GALNT17: variants seen among roughly 807,000 people sequenced by gnomAD.
The protein encoded by GALNT17 is polypeptide N-acetylgalactosaminyltransferase 17, also known as UDP-GalNAc:polypeptide N-acetylgalactosaminyltransferase-like 3.
In GALNT17, 29 loss-of-function variants were observed where a neutral mutation model predicts 63.7. The ratio of observed to expected loss-of-function variants is 0.46; its 90% CI spans 0.34 to 0.62. The LOEUF (loss-of-function observed/expected upper bound fraction) is 0.62, where lower values mean the gene tolerates loss of function less well. Ranked by LOEUF, GALNT17 falls within the 20% of genes least tolerant of loss-of-function variation. GALNT17 has a pLI of 0.01. For synonymous variants in GALNT17, 305 were observed against 318.3 expected (o/e 0.96, Z 0.45); for missense variants, 603 against 799.6 (o/e 0.75, Z 2.97).
chr7:71,288,305 C>A, intron 1 of GALNT17, among the ~76,000 whole-genome samples: 1 of 151,384 alleles, frequency 6.6e-6, no homozygotes, highest in South Asian at 2.1e-4. Context: ...AGGTCTTCAT[C>A]CTCATCGTAT....
At chr7:71,168,605 C>T (rs776655566) in intron 1 of GALNT17, among the ~76,000 whole-genome samples, 1 of 151,560 alleles carries the variant, frequency 6.6e-6, no homozygotes, top group Non-Finnish European at 1.5e-5. Flanking sequence ...TTAAGGTGTA[C>T]CGTAACATGA....
intron 3 of GALNT17, among the ~76,000 whole-genome samples, chr7:71,396,565 T>G (rs1416447013): frequency 6.6e-6 from 1 of 152,160 alleles, no homozygotes; most frequent in Non-Finnish European, 1.5e-5. Context: ...ACCTCTCACC[T>G]TGTTCTTTTT....
chr7:71,170,601 G>T (rs1283106295), intron 1 of GALNT17, among the ~76,000 whole-genome samples: 3 of 152,100 alleles, frequency 2.0e-5, no homozygotes, highest in Admixed American at 6.6e-5. Flanking sequence ...CTCCCAAAGT[G>T]CTGGGATTAC....
At chr7:71,577,327 A>G (rs1008148250) in intron 6 of GALNT17, among the ~76,000 whole-genome samples, 1 of 152,204 alleles carries the variant, frequency 6.6e-6, no homozygotes, top group Non-Finnish European at 1.5e-5. Context: ...CACAACACCC[A>G]TGTGAGAAAC....
chr7:71,224,275 C>A (rs965649410), intron 1 of GALNT17, among the ~76,000 whole-genome samples: 1 of 152,120 alleles, frequency 6.6e-6, no homozygotes, highest in South Asian at 2.1e-4. Flanking sequence ...AAACCTCTGA[C>A]CTCAAGGGAT....
intron 5 of GALNT17, among the ~76,000 whole-genome samples, chr7:71,425,263 G>T (rs112727489): frequency 6.6e-6 from 1 of 151,350 alleles, no homozygotes; most frequent in African/African-American, 2.4e-5. Flanking sequence ...TAGCTCTGTC[G>T]CCCAGGCTGA....
At chr7:71,566,873 G>A (rs888774100) in intron 5 of GALNT17, among the ~76,000 whole-genome samples, 1 of 152,112 alleles carries the variant, frequency 6.6e-6, no homozygotes, top group Non-Finnish European at 1.5e-5. Flanking sequence ...GGATTCCTGG[G>A]TGGCCAGTCA....
intron 1 of GALNT17, among the ~76,000 whole-genome samples, chr7:71,329,452 C>CAGT (rs1563007044): frequency 1.3e-5 from 2 of 152,152 alleles, no homozygotes; most frequent in Admixed American, 1.3e-4. Context: ...CGCAGCTTTA[C>CAGT]AGTGGAGCGT....
intron 2 of GALNT17, among the ~76,000 whole-genome samples, chr7:71,337,665 T>C (rs7776752): frequency 0.65 from 99,023 of 151,680 alleles, 32,699 homozygotes; most frequent in African/African-American, 0.76. Context: ...GTCAGGAGTT[T>C]GAGACCAGCC....
chr7:71,223,295 A>G (rs1366909541), intron 1 of GALNT17, among the ~76,000 whole-genome samples: 1 of 152,148 alleles, frequency 6.6e-6, no homozygotes, highest in Non-Finnish European at 1.5e-5. Context: ...CACATTTATT[A>G]ATTGAAATTC....
At chr7:71,509,209 A>G (rs1445221058) in intron 5 of GALNT17, among the ~76,000 whole-genome samples, 1 of 152,228 alleles carries the variant, frequency 6.6e-6, no homozygotes, top group Non-Finnish European at 1.5e-5. Context: ...TTTATTATAA[A>G]ATAGTCTGTG....
At chr7:71,223,330 C>T (rs1197576107) in intron 1 of GALNT17, among the ~76,000 whole-genome samples, 4 of 152,174 alleles carry the variant, frequency 2.6e-5, no homozygotes, top group Non-Finnish European at 5.9e-5. Context: ...ATTGTCCCTT[C>T]TATCCCAGTT....
intron 5 of GALNT17, among the ~76,000 whole-genome samples, chr7:71,429,163 G>A (rs1040144714): frequency 2.0e-5 from 3 of 152,128 alleles, no homozygotes; most frequent in Non-Finnish European, 2.9e-5. Flanking sequence ...GAAGAGCCCT[G>A]TTTTAACACA....
chr7:71,199,792 G>A (rs1419740275), intron 1 of GALNT17, among the ~76,000 whole-genome samples: 1 of 150,622 alleles, frequency 6.6e-6, no homozygotes, highest in East Asian at 2.0e-4. Flanking sequence ...CTATCCATAT[G>A]TATATTCATC....
At position 71,389,172 on chromosome 7, in the gene GALNT17, C is replaced by T. The variant is rs181613347; in HGVS notation, c.589+771C>T. On this transcript the variant is annotated intron_variant, in intron 3 of 10. Transcript: ENST00000333538. ...TTTTTGAGATGGAGTCTCGCTCCAT[C>T]ACCCAGGCTGGAGTGCAGTGGTATG... Among the ~76,000 whole-genome samples the T allele has an allele frequency of 3.0e-4, 46 of 151,880 alleles. 4 individuals are homozygous for T. The highest frequency in any genetic ancestry group is 2.9e-3 in the East Asian group (15 of 5,100).
At chr7:71,542,380 T>C (rs1411674570) in intron 5 of GALNT17, among the ~76,000 whole-genome samples, 2 of 152,052 alleles carry the variant, frequency 1.3e-5, no homozygotes, top group Non-Finnish European at 2.9e-5. Flanking sequence ...CTGCTGATTT[T>C]TCTGCAACTC....
intron 1 of GALNT17, among the ~76,000 whole-genome samples, chr7:71,177,077 C>G (rs1251843654): frequency 6.6e-6 from 1 of 152,252 alleles, no homozygotes; most frequent in East Asian, 1.9e-4. Context: ...TCTGGGTTCT[C>G]CATGGAGTGC....
intron 5 of GALNT17, among the ~76,000 whole-genome samples, chr7:71,534,395 C>T (rs765153416): frequency 2.0e-5 from 3 of 152,024 alleles, no homozygotes; most frequent in Middle Eastern, 3.4e-3. Flanking sequence ...GTCAGGAGAT[C>T]GAGACCATCC....
rs113487834 is a variant in GALNT17, at chr7:71,169,708, AT to A, written c.238+36669del. ...GTAGCTGGAACTACAGGTGCATGCC[AT>A]CACGCCTGGCTAATTTTGCTATTAT... is the stretch of plus-strand genomic sequence containing the variant. On this transcript the variant is annotated intron_variant, in intron 1 of 10. Coordinates refer to ENST00000333538, the MANE Select transcript of GALNT17 (RefSeq NM_022479.3). Among the ~76,000 whole-genome samples, 91 of 152,112 alleles carry A rather than the reference AT, an allele frequency of 6.0e-4. 2 individuals are homozygous for A. Among genetic ancestry groups the A allele is most frequent in the African/African-American group, 2.0e-3 (85 of 41,488 alleles).
Sources: gnomAD v4.1 joint callset for allele counts (sites outside exome capture counted in the v4.1 genomes callset) on GRCh38, gnomAD v4.1.1 for gene constraint, MANE v1.5 for transcripts, NCBI Gene and HGNC (gene_info 2026-07-23, HGNC 2026-07-21) for gene names.